The following FAM83F variants were observed in gnomAD, a reference collection of about 807,000 sequenced individuals.
The protein encoded by FAM83F is scaffolding CK1 anchoring protein F, also known as protein FAM83F.
Under a neutral mutation model 42.9 loss-of-function variants are expected in FAM83F, and 45 were observed. The ratio of observed to expected loss-of-function variants is 1.05; its 90% CI spans 0.83 to 1.35. FAM83F has a LOEUF of 1.35. FAM83F is among the 40% of genes most tolerant of loss of function. The pLI is 0.00. For synonymous variants in FAM83F, 306 were observed against 298.3 expected (o/e 1.03, Z -0.27); for missense variants, 617 against 695.9 (o/e 0.89, Z 1.28).
In FAM83F at chr22:40,021,331, T is replaced by G. The variant is rs567195386; in HGVS notation, c.821T>G (p.Leu274Arg). ...TCCCATGTGGACAGAAACCTCCTCC[T>G]GCTCCTGACAGGACAGAACGTAGAG... Reference protein sequence around the residue: ...SSSHVDRNLLLLLTGQNVEPF... With the variant: ...SSSHVDRNLLRLLTGQNVEPF... Residue 274 changes from leucine (L) to arginine (R), a missense_variant, in exon 4 of 5, where the codon CTG (leucine) becomes CGG (arginine). Transcript: ENST00000333407. The surrounding 1 kb of genome is among the most constrained non-coding windows in gnomAD (Gnocchi z 8.7). The G allele has an allele frequency of 6.4e-6, 10 of 1,571,942 alleles. No individual in the cohort carries two copies. The Admixed American group carries it at 9.3e-5, about 15-fold the overall frequency.
In FAM83F at chr22:40,041,547, C is replaced by T. The variant is rs188035416; in HGVS notation, c.*11982C>T. 7 of 152,290 alleles carry T rather than the reference C, an allele frequency of 4.6e-5. No homozygotes were observed. 9.4% of individuals were successfully genotyped at this position (152,290 alleles called of 1,614,324 possible). Reference sequence around the variant, plus strand: ...CATTGGCTCTGACAGGAATTGAAACCCATCTTCTCCACAATAAATATTTGA... The same window carrying T: ...CATTGGCTCTGACAGGAATTGAAACTCATCTTCTCCACAATAAATATTTGA... On this transcript the variant is annotated 3_prime_UTR_variant, in exon 5 of 5. Transcript: ENST00000333407.
rs972427816 is a variant in FAM83F, at chr22:40,023,116, G to C, written c.1453+1153G>C. On this transcript the variant is annotated intron_variant, in intron 4 of 4. Coordinates refer to ENST00000333407, the MANE Select transcript of FAM83F (RefSeq NM_138435.4). The surrounding 1 kb of genome is among the most constrained non-coding windows in gnomAD (Gnocchi z 4.1). ...GCCTGGAGACGTTGACTGAGCTGCTGGCTTGCCAGGTCCTGCACAGGCACT... is the reference window on the plus strand; with the variant it reads ...GCCTGGAGACGTTGACTGAGCTGCTCGCTTGCCAGGTCCTGCACAGGCACT... Among the ~76,000 whole-genome samples the C allele has an allele frequency of 6.6e-6, 1 of 152,220 alleles. No individual in the cohort carries two copies. Among genetic ancestry groups the C allele is most frequent in the Non-Finnish European group, 1.5e-5 (1 of 68,038 alleles).
intron 1 of FAM83F, chr22:40,009,923 G>C (rs1198240902): frequency 6.6e-6 from 1 of 152,248 alleles, no homozygotes; most frequent in African/African-American, 2.4e-5. Context: ...GGGGCATTTG[G>C]AGGCTCCCTC....
rs547973089 is a variant in FAM83F at position 40,004,021 on chromosome 22, G to T, written c.489+8490G>T. On this transcript the variant is annotated intron_variant, in intron 1 of 4. Coordinates refer to ENST00000333407, the MANE Select transcript of FAM83F (RefSeq NM_138435.4). ...GACTATGAGTTTCCCGAACTCACCCGCCTGGGAGGGCTCCCAGATGGCCTG... is the reference window on the plus strand; with the variant it reads ...GACTATGAGTTTCCCGAACTCACCCTCCTGGGAGGGCTCCCAGATGGCCTG... 9.3e-4 allele frequency among the ~76,000 whole-genome samples: 141 copies of T among 152,146 alleles called. 5 individuals are homozygous for T. The South Asian group carries it at 0.028, about 30-fold the overall frequency.
At chr22:40,004,165 T>G in intron 1 of FAM83F, among the ~76,000 whole-genome samples, 1 of 151,698 alleles carries the variant, frequency 6.6e-6, no homozygotes, top group Admixed American at 6.6e-5. Context: ...TAATGGGGGG[T>G]GACAAAAAGA....
In FAM83F at chr22:40,030,649, AGCAATTCCATTC is replaced by A. The variant is rs1349915565; in HGVS notation, c.*1085_*1096del. The A allele has an allele frequency of 5.3e-5, 8 of 152,248 alleles. No individual in the cohort carries two copies. The highest frequency in any genetic ancestry group is 1.9e-4 in the African/African-American group (8 of 41,446). The allele number at this position is 152,248 out of a possible 1,614,324, so 9.4% of individuals were successfully genotyped here. A position where few individuals can be genotyped will look rare whatever the true frequency, so the allele number is the denominator to read the frequency against. On this transcript the variant is annotated 3_prime_UTR_variant, in exon 5 of 5. Coordinates refer to ENST00000333407, the MANE Select transcript of FAM83F (RefSeq NM_138435.4). ...TGAGGCTGAGCTGGGAGGCCCAGTA[AGCAATTCCATTC>A]TGCCTTCCCCACTTGGGTGACTGGA... is the stretch of plus-strand genomic sequence containing the variant.
chr22:40,001,241 C>T (rs546907438), intron 1 of FAM83F, among the ~76,000 whole-genome samples: 6 of 152,266 alleles, frequency 3.9e-5, no homozygotes, highest in Admixed American at 3.3e-4. Flanking sequence ...GATTTCTGCC[C>T]TCATCTGACC....
chr22:40,020,548 A>G (rs1260408700), intron 3 of FAM83F, among the ~76,000 whole-genome samples: 1 of 151,882 alleles, frequency 6.6e-6, no homozygotes, highest in African/African-American at 2.4e-5. Flanking sequence ...TTTTTAGTAG[A>G]GAAGGGGTTT....
At position 40,031,015 on chromosome 22, in the gene FAM83F, C is replaced by A. The variant is rs1395235009; in HGVS notation, c.*1450C>A. 1 of 151,868 alleles carries A rather than the reference C, an allele frequency of 6.6e-6. No individual in the cohort carries two copies. The highest frequency in any genetic ancestry group is 1.9e-4 in the East Asian group (1 of 5,178). The allele number at this position is 151,868 out of a possible 1,614,324, so 9.4% of individuals were successfully genotyped here. The stretch of plus-strand genomic sequence containing the variant: ...GGAAGTGGGGACCACATGTGGCGGC[C>A]ATTGAGGAGATGCAATCTCTCTGGC... On this transcript the variant is annotated 3_prime_UTR_variant, in exon 5 of 5. Coordinates refer to ENST00000333407, the MANE Select transcript of FAM83F (RefSeq NM_138435.4).
chr22:40,026,766 G>C (rs1223748408), intron 4 of FAM83F, among the ~76,000 whole-genome samples: 2 of 152,122 alleles, frequency 1.3e-5, no homozygotes, highest in Admixed American at 6.5e-5. Flanking sequence ...CTGGATTTAT[G>C]TGTGGTTGGC....
In FAM83F at chr22:40,039,553, G is replaced by A. The variant is rs1190669553; in HGVS notation, c.*9988G>A. The A allele has an allele frequency of 6.6e-6, 1 of 152,274 alleles. No individual in the cohort carries two copies. The highest frequency in any genetic ancestry group is 6.5e-5 in the Admixed American group (1 of 15,290). 9.4% of individuals were successfully genotyped at this position (152,274 alleles called of 1,614,324 possible). A position where few individuals can be genotyped will look rare whatever the true frequency, so the allele number is the denominator to read the frequency against. ...CAAAAAGTCACGCAGCAAACAAGCT[G>A]CAGAATGAAGGGTGGAGATGGAGAG... On this transcript the variant is annotated 3_prime_UTR_variant, in exon 5 of 5. Coordinates refer to ENST00000333407, the MANE Select transcript of FAM83F (RefSeq NM_138435.4).
intron 1 of FAM83F, among the ~76,000 whole-genome samples, chr22:40,003,156 C>T (rs905971034): frequency 4.6e-5 from 7 of 152,200 alleles, no homozygotes; most frequent in African/African-American, 1.7e-4. Flanking sequence ...AGCTGGTCCA[C>T]TCTGTGCTAA....
At chr22:40,028,674 A>G (rs2067568800) in intron 4 of FAM83F, among the ~76,000 whole-genome samples, 1 of 152,222 alleles carries the variant, frequency 6.6e-6, no homozygotes, top group South Asian at 2.1e-4. Context: ...AAGGAATGGT[A>G]GAGGCCTGGG....
At chr22:39,997,087 A>G (rs2067376197) in intron 1 of FAM83F, among the ~76,000 whole-genome samples, 1 of 152,242 alleles carries the variant, frequency 6.6e-6, no homozygotes, top group Non-Finnish European at 1.5e-5. Context: ...TTGGAGAAAA[A>G]GACATCAGGA....
At chr22:40,002,040 G>A (rs749958232) in intron 1 of FAM83F, among the ~76,000 whole-genome samples, 23 of 152,206 alleles carry the variant, frequency 1.5e-4, no homozygotes, top group Non-Finnish European at 3.2e-4. Flanking sequence ...GCCGGCCTCC[G>A]AGCTGCCTTC....
At position 40,020,456 on chromosome 22, in the gene FAM83F, G is replaced by A. The variant is rs572503937; in HGVS notation, c.779+448G>A. 3.2e-4 allele frequency among the ~76,000 whole-genome samples: 46 copies of A among 145,856 alleles called. 1 individual carries two copies. In the South Asian group the frequency reaches 9.1e-3, roughly 29 times the overall value. On this transcript the variant is annotated intron_variant, in intron 3 of 4. Transcript: ENST00000333407. ...CGGCTCACTGCAACCTCTGCCTCCC[G>A]GATTCAAGCGATTCTCCTGCCTCAG... is the stretch of plus-strand genomic sequence containing the variant.
rs1378789596 is a variant in FAM83F at position 39,995,066 on chromosome 22, C to T, written c.24C>T (p.Cys8=). MAESQLN[C]LDEAHVNEKV... ...CCATGGCCGAGTCCCAGCTGAACTG[C>T]CTGGACGAGGCGCACGTGAACGAGA... is the stretch of plus-strand genomic sequence containing the variant. Residue 8 remains cysteine, a synonymous_variant, in exon 1 of 5, where the codon TGC becomes TGT. Coordinates refer to ENST00000333407, the MANE Select transcript of FAM83F (RefSeq NM_138435.4). The surrounding 1 kb of genome is among the most constrained non-coding windows in gnomAD (Gnocchi z 4.6). 6 of 1,341,378 alleles carry T rather than the reference C, an allele frequency of 4.5e-6. No individual in the cohort carries two copies. The highest frequency in any genetic ancestry group is 4.7e-6 in the Non-Finnish European group (5 of 1,053,650). 83.1% of individuals were successfully genotyped at this position (1,341,378 alleles called of 1,614,324 possible).
intron 1 of FAM83F, among the ~76,000 whole-genome samples, chr22:39,999,957 T>G (rs1225047043): frequency 6.6e-6 from 1 of 152,200 alleles, no homozygotes; most frequent in Non-Finnish European, 1.5e-5. Context: ...CCACACAGTT[T>G]GCTTTGGGAG....
rs572666068 is a variant in FAM83F at position 40,011,912 on chromosome 22, G to A, written c.490-7256G>A. Among the ~76,000 whole-genome samples, 12 of 152,206 alleles carry A rather than the reference G, an allele frequency of 7.9e-5. No homozygotes were observed. In the East Asian group the frequency reaches 1.4e-3, roughly 17 times the overall value. On this transcript the variant is annotated intron_variant, in intron 1 of 4. Coordinates refer to ENST00000333407, the MANE Select transcript of FAM83F (RefSeq NM_138435.4). ...AAGAGTGGCTTTGCTGGCTTGTAGC[G>A]GTGCACTTGCTTAAATCCACTCACT...
Sources: allele counts gnomAD v4.1 joint callset (sites outside exome capture counted in the v4.1 genomes callset), GRCh38; gene constraint gnomAD v4.1.1; non-coding constraint Gnocchi (gnomAD v3.1); transcripts MANE v1.5; gene names NCBI Gene and HGNC (gene_info 2026-07-23, HGNC 2026-07-21).